The following BICD1 variants were observed in gnomAD, a reference collection of about 807,000 sequenced individuals.
BICD1 encodes protein bicaudal D homolog 1.
BICD1 carries 35 observed loss-of-function variants against 92.5 expected under a neutral mutation model. The observed-to-expected ratio is 0.38, with a 90% CI of 0.29 to 0.50. The LOEUF (loss-of-function observed/expected upper bound fraction) is 0.50. BICD1 is among the 20% of genes least tolerant of loss of function. The pLI is 0.93. For missense variants in BICD1, 950 were observed against 1,189.8 expected, an observed-to-expected ratio of 0.80 and a Z score of 2.97; for synonymous variants, 429 against 465.1, an observed-to-expected ratio of 0.92 and a Z score of 1.00.
rs1947342552 is a variant in BICD1 at position 32,278,834 on chromosome 12, C to T, written c.427-15160C>T. 2.6e-5 allele frequency among the ~76,000 whole-genome samples: 4 copies of T among 151,834 alleles called. No individual in the cohort carries two copies. In the South Asian group the frequency reaches 6.3e-4, roughly 24 times the overall value. On this transcript the variant is annotated intron_variant, in intron 2 of 9. Coordinates refer to ENST00000652176, the MANE Select transcript of BICD1 (RefSeq NM_001714.4). The stretch of plus-strand genomic sequence containing the variant: ...TTGCGCCACTGCACGCCAGCCTGGG[C>T]GACAGAGCGAGACCCTGTCTCAAAG...
chr12:32,185,655 C>T (rs1038539124), intron 1 of BICD1, among the ~76,000 whole-genome samples: 2 of 152,194 alleles, frequency 1.3e-5, no homozygotes, highest in Non-Finnish European at 2.9e-5. Context: ...GACCTGCAGT[C>T]GTGCAGGAGA....
intron 2 of BICD1, among the ~76,000 whole-genome samples, chr12:32,220,483 A>T (rs1410880824): frequency 6.6e-6 from 1 of 152,114 alleles, no homozygotes; most frequent in Admixed American, 6.5e-5. Flanking sequence ...GCCAAAAAAC[A>T]CATGAAAAAA....
chr12:32,319,910 A>G (rs1162741047), intron 4 of BICD1, among the ~76,000 whole-genome samples: 1 of 152,102 alleles, frequency 6.6e-6, no homozygotes, highest in East Asian at 1.9e-4. Context: ...CTCTCCCTCC[A>G]TCTTTTTTAG....
intron 1 of BICD1, among the ~76,000 whole-genome samples, chr12:32,115,351 CAT>C (rs1478657674): frequency 2.7e-5 from 4 of 148,594 alleles, no homozygotes; most frequent in African/African-American, 9.9e-5. Context: ...TGTCTTTAAA[CAT>C]ATAGGCAGGG....
intron 2 of BICD1, among the ~76,000 whole-genome samples, chr12:32,260,085 C>A (rs1946818243): frequency 6.6e-6 from 1 of 151,200 alleles, no homozygotes; most frequent in South Asian, 2.1e-4. Flanking sequence ...CCACCACGCC[C>A]AGCTAATTTT....
intron 2 of BICD1, among the ~76,000 whole-genome samples, chr12:32,235,368 T>C (rs1054398539): frequency 6.6e-6 from 1 of 152,202 alleles, no homozygotes; most frequent in African/African-American, 2.4e-5. Context: ...ATAAAAATCT[T>C]GTATCATCTT....
chr12:32,169,565 C>A (rs553145919), intron 1 of BICD1, among the ~76,000 whole-genome samples: 1 of 151,936 alleles, frequency 6.6e-6, no homozygotes, highest in South Asian at 2.1e-4. Flanking sequence ...AGGCGTGAGC[C>A]ACTGTGCCCA....
chr12:32,135,434 G>A (rs1405085721), intron 1 of BICD1, among the ~76,000 whole-genome samples: 2 of 108,484 alleles, frequency 1.8e-5, no homozygotes, highest in African/African-American at 3.7e-5. Context: ...GGTCTCTTGC[G>A]CTGTCACCTA....
intron 2 of BICD1, among the ~76,000 whole-genome samples, chr12:32,227,133 A>AG (rs143887124): frequency 6.6e-6 from 1 of 152,148 alleles, no homozygotes. Context: ...AAATAGAACA[A>AG]GGGGGGACAC....
chr12:32,147,140 A>G (rs1211850880), intron 1 of BICD1, among the ~76,000 whole-genome samples: 2 of 151,840 alleles, frequency 1.3e-5, no homozygotes, highest in Non-Finnish European at 2.9e-5. Flanking sequence ...GGACCTCCCT[A>G]TGTTGCCCAG....
chr12:32,169,547 G>A (rs1943873514), intron 1 of BICD1, among the ~76,000 whole-genome samples: 1 of 151,268 alleles, frequency 6.6e-6, no homozygotes. Flanking sequence ...TCAAAGTGTT[G>A]GGATTACAGG....
chr12:32,262,039 C>T (rs963295662), intron 2 of BICD1, among the ~76,000 whole-genome samples: 6 of 152,148 alleles, frequency 3.9e-5, no homozygotes, highest in East Asian at 3.8e-4. Flanking sequence ...TACTATTAAA[C>T]GTGACCCCAT....
chr12:32,183,855 C>A (rs1357315852), intron 1 of BICD1, among the ~76,000 whole-genome samples: 1 of 152,130 alleles, frequency 6.6e-6, no homozygotes, highest in Non-Finnish European at 1.5e-5. Context: ...GGGATTGAGG[C>A]CCTTTGTTTT....
At chr12:32,305,072 T>C (rs1948176471) in intron 3 of BICD1, among the ~76,000 whole-genome samples, 1 of 152,226 alleles carries the variant, frequency 6.6e-6, no homozygotes, top group Non-Finnish European at 1.5e-5. Flanking sequence ...AGGTATTTTT[T>C]GTTACTGGAT....
Position 32,107,061 on chromosome 12 carries a change from G to A in BICD1, c.-271G>A. 2.3e-6 allele frequency: 1 copy of A among 428,198 alleles called. No individual in the cohort carries two copies. Among genetic ancestry groups the A allele is most frequent in the Non-Finnish European group, 4.2e-6 (1 of 236,724 alleles). 26.5% of individuals were successfully genotyped at this position (428,198 alleles called of 1,614,324 possible). ...GCCGCACGGCTGCTGACCGCACGCA[G>A]GGGCCGGCCCCGAGGACACATGCGG... On this transcript the variant is annotated 5_prime_UTR_variant, in exon 1 of 10. Coordinates refer to ENST00000652176, the MANE Select transcript of BICD1 (RefSeq NM_001714.4).
chr12:32,282,199 C>CT (rs1565639578), intron 2 of BICD1, among the ~76,000 whole-genome samples: 5 of 68,990 alleles, frequency 7.2e-5, no homozygotes, highest in South Asian at 5.4e-4. Flanking sequence ...TTCAGGTCTT[C>CT]TTCTTTTTTT....
At chr12:32,354,788 A>C (rs973851759) in intron 8 of BICD1, among the ~76,000 whole-genome samples, 7 of 152,190 alleles carry the variant, frequency 4.6e-5, no homozygotes, top group Admixed American at 3.9e-4. Context: ...TTTTGAAAAT[A>C]GTTATTTTCC....
intron 8 of BICD1, among the ~76,000 whole-genome samples, chr12:32,362,084 G>A (rs1939351840): frequency 6.6e-6 from 1 of 152,224 alleles, no homozygotes; most frequent in African/African-American, 2.4e-5. Flanking sequence ...GTTTGGCTGG[G>A]CGCAGTGGCT....
chr12:32,275,636 C>T (rs11051894), intron 2 of BICD1, among the ~76,000 whole-genome samples: 14,954 of 151,974 alleles, frequency 0.098, 1,086 homozygotes, highest in East Asian at 0.2. Flanking sequence ...GCTGAGCTTT[C>T]GCTTGCCGTC....
Sources: gnomAD v4.1 joint callset for allele counts (sites outside exome capture counted in the v4.1 genomes callset) on GRCh38, gnomAD v4.1.1 for gene constraint, MANE v1.5 for transcripts, NCBI Gene and HGNC (gene_info 2026-07-23, HGNC 2026-07-21) for gene names.